The following EVL variants were observed in gnomAD, a reference collection of about 807,000 sequenced individuals.
The protein encoded by EVL is ena/VASP-like protein.
Under a neutral mutation model 59.6 loss-of-function variants are expected in EVL, and 21 were observed. The ratio of observed to expected loss-of-function variants is 0.35; its 90% CI spans 0.25 to 0.51. The LOEUF (loss-of-function observed/expected upper bound fraction) is 0.51. Ranked by LOEUF, EVL falls within the 20% of genes least tolerant of loss-of-function variation. EVL has a pLI of 0.97. For synonymous variants in EVL, 198 were observed against 203.5 expected, an observed-to-expected ratio of 0.97 and a Z score of 0.23; for missense variants, 462 against 546.6, an observed-to-expected ratio of 0.85 and a Z score of 1.54.
At chr14:100,003,318 C>G (rs1484693512) in intron 1 of EVL, among the ~76,000 whole-genome samples, 1 of 152,150 alleles carries the variant, frequency 6.6e-6, no homozygotes, top group Non-Finnish European at 1.5e-5. Flanking sequence ...CCTTTTTAGA[C>G]CCAGGAGTCA....
intron 1 of EVL, among the ~76,000 whole-genome samples, chr14:100,043,404 C>T (rs1011803168): frequency 1.4e-5 from 2 of 144,162 alleles, no homozygotes; most frequent in African/African-American, 2.6e-5. Flanking sequence ...ACCGTCTGCA[C>T]GCTGGAGACC....
chr14:99,971,530 ACG>A, exon 1 of EVL: 1 of 151,424 alleles, frequency 6.6e-6, no homozygotes, highest in Non-Finnish European at 1.5e-5. Context: ...GGAGGGGCGC[ACG>A]CGCGCGCAGT....
rs528787765 is a variant in EVL at position 100,050,175 on chromosome 14, A to G, written c.6-34512A>G. ...GTGTTAACAGTGGTTGTCTTTGGGG[A>G]AGAAAGGAGCGGGGAAAGGAGAGGA... On this transcript the variant is annotated intron_variant, in intron 1 of 13. Transcript: ENST00000402714. 7.9e-5 allele frequency among the ~76,000 whole-genome samples: 12 copies of G among 152,266 alleles called. No homozygotes were observed. The South Asian group carries it at 2.3e-3, about 29-fold the overall frequency.
chr14:100,029,712 A>G (rs2140215425), intron 1 of EVL, among the ~76,000 whole-genome samples: 1 of 152,294 alleles, frequency 6.6e-6, no homozygotes, highest in South Asian at 2.1e-4. Context: ...ATGAAAATCA[A>G]GACAAGGGCT....
intron 2 of EVL, among the ~76,000 whole-genome samples, chr14:100,088,083 A>G (rs2062485580): frequency 5.3e-5 from 8 of 152,208 alleles, no homozygotes. Flanking sequence ...TGAAGAAGAT[A>G]TTAACGCAGT....
At position 100,111,700 on chromosome 14, in the gene EVL, TC is replaced by T. The variant is rs578046465; in HGVS notation, c.359-11837del. ...TCCTTACAGAAAGGAACAAACCCCT[TC>T]CTGGATGCTCTTGTGCCTGGATCTT... On this transcript the variant is annotated intron_variant, in intron 3 of 13. Coordinates refer to ENST00000392920, the MANE Select transcript of EVL (RefSeq NM_016337.3). Among the ~76,000 whole-genome samples the T allele has an allele frequency of 1.1e-3, 160 of 152,272 alleles. 1 individual carries two copies. Among genetic ancestry groups the T allele is most frequent in the Non-Finnish European group, 1.5e-3 (103 of 68,016 alleles).
In EVL at chr14:100,042,179, A is replaced by G. The variant is rs144231354; in HGVS notation, c.6-42508A>G. 3.3e-5 allele frequency among the ~76,000 whole-genome samples: 5 copies of G among 152,352 alleles called. No homozygotes were observed. In the East Asian group the frequency reaches 9.6e-4, roughly 29 times the overall value. ...TACATTTTTGTACTAAGTCTTTGAA[A>G]TTTGGGCTGTATTTTACCCTAACAT... On this transcript the variant is annotated intron_variant, in intron 1 of 13. Coordinates refer to the EVL transcript ENST00000402714.
At chr14:100,046,677 CAAAAA>C (rs71113240) in intron 1 of EVL, among the ~76,000 whole-genome samples, 2 of 135,418 alleles carry the variant, frequency 1.5e-5, no homozygotes, top group Non-Finnish European at 1.6e-5. Context: ...CCCGCGCCGC[CAAAAA>C]AAAAAAAAGA....
intron 1 of EVL, among the ~76,000 whole-genome samples, chr14:100,067,066 G>C (rs762586459): frequency 3.9e-5 from 6 of 152,154 alleles, no homozygotes; most frequent in Non-Finnish European, 8.8e-5. Flanking sequence ...ACGGGGAGCG[G>C]AGTAGTGGCT....
At chr14:100,116,144 C>A (rs1286304097) in intron 3 of EVL, among the ~76,000 whole-genome samples, 1 of 152,216 alleles carries the variant, frequency 6.6e-6, no homozygotes, top group African/African-American at 2.4e-5. Flanking sequence ...ATAGGAATGG[C>A]ACCTGTGAGG....
chr14:100,125,012 A>ACACACCTGCCC (rs1887942218), intron 4 of EVL, among the ~76,000 whole-genome samples: 1 of 151,850 alleles, frequency 6.6e-6, no homozygotes, highest in Admixed American at 6.6e-5. Context: ...GCGCACACAC[A>ACACACCTGCCC]CACACCTGCC....
chr14:99,991,960 CTGTGTGTGTGTG>C (rs58443751), intron 1 of EVL, among the ~76,000 whole-genome samples: 15 of 144,234 alleles, frequency 1.0e-4, no homozygotes, highest in South Asian at 2.3e-4. Flanking sequence ...AGGGTCAACT[CTGTGTGTGTGTG>C]TGTGTGTGTG....
rs1045207784 is a variant in EVL, at chr14:100,130,663, C to G, written c.839+979C>G. Reference sequence around the variant, plus strand: ...TTCCCGTGGCTCCATGAGGATGATGCGAGATGACAGAGGCCCACAGCTGCA... The same window carrying G: ...TTCCCGTGGCTCCATGAGGATGATGGGAGATGACAGAGGCCCACAGCTGCA... On this transcript the variant is annotated intron_variant, in intron 7 of 13. Transcript: ENST00000392920. This position sits in a 1 kb window ranked among gnomAD's most constrained non-coding sequence, Gnocchi z 4.8. Among the ~76,000 whole-genome samples the G allele has an allele frequency of 6.6e-6, 1 of 152,158 alleles. No individual in the cohort carries two copies. The highest frequency in any genetic ancestry group is 1.5e-5 in the Non-Finnish European group (1 of 68,038).
At chr14:100,030,574 C>T (rs141180873) in intron 1 of EVL, among the ~76,000 whole-genome samples, 179 of 152,326 alleles carry the variant, frequency 1.2e-3, no homozygotes, top group Middle Eastern at 3.4e-3. Context: ...TCTCCCTGAG[C>T]GTTCAGACTC....
At chr14:100,106,821 C>T (rs1370355442) in intron 3 of EVL, 2 of 398,516 alleles carry the variant, frequency 5.0e-6, no homozygotes, top group Admixed American at 8.8e-5. Context: ...TGTCTCATTT[C>T]ACAGCCAGGA....
In EVL at chr14:100,123,423, C is replaced by G; in HGVS notation, c.359-116C>G. ...AGTGAGGCCAACATTTAAAAAGATTCTTAAGGATGTCTCTTCTGCAGCCAG... is the reference window on the plus strand; with the variant it reads ...AGTGAGGCCAACATTTAAAAAGATTGTTAAGGATGTCTCTTCTGCAGCCAG... On this transcript the variant is annotated intron_variant, in intron 3 of 13. Coordinates refer to ENST00000392920, the MANE Select transcript of EVL (RefSeq NM_016337.3). 4 of 979,116 alleles carry G rather than the reference C, an allele frequency of 4.1e-6. No homozygotes were observed. In the South Asian group the frequency reaches 6.0e-5, roughly 15 times the overall value. 60.7% of individuals were successfully genotyped at this position (979,116 alleles called of 1,614,324 possible).
At chr14:100,121,301 G>A (rs904582440) in intron 3 of EVL, among the ~76,000 whole-genome samples, 4 of 152,184 alleles carry the variant, frequency 2.6e-5, no homozygotes, top group African/African-American at 7.2e-5. Context: ...CGACTGCCAC[G>A]GGGAAGCTGT....
rs533370804 is a variant in EVL at position 100,109,302 on chromosome 14, T to G, written c.358+11644T>G. 1.6e-4 allele frequency: 54 copies of G among 347,728 alleles called. No homozygotes were observed. The highest frequency in any genetic ancestry group is 3.2e-4 in the Admixed American group (8 of 25,076). 21.5% of individuals were successfully genotyped at this position (347,728 alleles called of 1,614,324 possible). On this transcript the variant is annotated intron_variant, in intron 3 of 13. Coordinates refer to ENST00000392920, the MANE Select transcript of EVL (RefSeq NM_016337.3). The surrounding 1 kb of genome is among the most constrained non-coding windows in gnomAD (Gnocchi z 4.3). ...GCCCTCATGCATGTTCTCTCCATAC[T>G]CCTGGTCACCTTCTGCTCATCCTTT...
At chr14:100,027,027 T>C (rs931766397) in intron 1 of EVL, among the ~76,000 whole-genome samples, 3 of 152,170 alleles carry the variant, frequency 2.0e-5, no homozygotes, top group Admixed American at 6.5e-5. Flanking sequence ...CCTCATTGAC[T>C]TGACAGTTTC....
Sources: allele counts gnomAD v4.1 joint callset (sites outside exome capture counted in the v4.1 genomes callset), GRCh38; gene constraint gnomAD v4.1.1; non-coding constraint Gnocchi (gnomAD v3.1); transcripts MANE v1.5; gene names NCBI Gene and HGNC (gene_info 2026-07-23, HGNC 2026-07-21).